VANGL1: variants seen among roughly 807,000 people sequenced by gnomAD.
The protein encoded by VANGL1 is VANGL planar cell polarity protein 1.
In VANGL1, 18 loss-of-function variants were observed where a neutral mutation model predicts 48.4. The observed-to-expected ratio is 0.37, with a 90% CI of 0.26 to 0.55. The LOEUF is 0.55. Ranked by LOEUF, VANGL1 falls within the 20% of genes least tolerant of loss-of-function variation. The pLI, the probability that VANGL1 is intolerant of heterozygous loss-of-function variation, is 0.81. For synonymous variants in VANGL1, 257 were observed against 261.8 expected, an observed-to-expected ratio of 0.98 and a Z score of 0.18; for missense variants, 667 against 675.8, an observed-to-expected ratio of 0.99 and a Z score of 0.14.
chr1:115,662,890 G>A (rs58912555), intron 3 of VANGL1, among the ~76,000 whole-genome samples: 3,057 of 151,770 alleles, frequency 0.02, 115 homozygotes, highest in African/African-American at 0.069. Flanking sequence ...GGGTTCAAGC[G>A]ATTCTCCTGC....
rs1203530733 is a variant in VANGL1, at chr1:115,684,127, A to ATTTT, written c.1079+52_1079+55dup. 12 of 1,396,638 alleles carry ATTTT rather than the reference A, an allele frequency of 8.6e-6. No homozygotes were observed. The East Asian group carries it at 2.3e-4, about 27-fold the overall frequency. 86.5% of individuals were successfully genotyped at this position (1,396,638 alleles called of 1,614,324 possible). A position where few individuals can be genotyped will look rare whatever the true frequency, so the allele number is the denominator to read the frequency against. ...CCCTCTTACAGACTTTTAAATTTTTATTTTATTTATTTATTTATTTATTTA... is the reference window on the plus strand; with the variant it reads ...CCCTCTTACAGACTTTTAAATTTTTATTTTTTTTATTTATTTATTTATTTATTTA... On this transcript the variant is annotated intron_variant, in intron 6 of 7. Coordinates refer to ENST00000355485, the MANE Select transcript of VANGL1 (RefSeq NM_138959.3).
At chr1:115,659,323 G>A (rs1377783055) in intron 2 of VANGL1, among the ~76,000 whole-genome samples, 4 of 152,070 alleles carry the variant, frequency 2.6e-5, no homozygotes, top group Non-Finnish European at 5.9e-5. Context: ...TTACAATAAA[G>A]TGTAACTAGC....
intron 1 of VANGL1, among the ~76,000 whole-genome samples, chr1:115,646,984 G>A (rs1651965181): frequency 6.6e-6 from 1 of 152,238 alleles, no homozygotes; most frequent in Admixed American, 6.5e-5. Context: ...AAAGCCCTAA[G>A]ACTCTACCTT....
At chr1:115,669,515 T>C (rs1206549635) in intron 4 of VANGL1, among the ~76,000 whole-genome samples, 1 of 152,188 alleles carries the variant, frequency 6.6e-6, no homozygotes, top group Non-Finnish European at 1.5e-5. Flanking sequence ...TGGGAGTTCA[T>C]TGAATCACGG....
intron 4 of VANGL1, among the ~76,000 whole-genome samples, chr1:115,665,475 A>G (rs1353070881): frequency 6.6e-6 from 1 of 152,206 alleles, no homozygotes; most frequent in African/African-American, 2.4e-5. Context: ...TATCAGAACA[A>G]TCGGCTTTGT....
At chr1:115,690,921 G>A (rs1179818335) in intron 7 of VANGL1, among the ~76,000 whole-genome samples, 198 bp from the exon 8 acceptor site, 3 of 152,232 alleles carry the variant, frequency 2.0e-5, no homozygotes, top group South Asian at 4.1e-4. Context: ...GAGTGAGGAA[G>A]TCCAAGAAGT....
At chr1:115,650,788 C>G (rs56034057) in intron 1 of VANGL1, among the ~76,000 whole-genome samples, 1 of 151,348 alleles carries the variant, frequency 6.6e-6, no homozygotes, top group Non-Finnish European at 1.5e-5. Context: ...GAAATCAGTT[C>G]CCTCAGATAA....
chr1:115,691,554 G>A lies in VANGL1; in HGVS notation c.*175G>A, dbSNP rs1468843976. 1.1e-5 allele frequency: 8 copies of A among 703,534 alleles called. No individual in the cohort carries two copies. Among genetic ancestry groups the A allele is most frequent in the African/African-American group, 7.2e-5 (4 of 55,506 alleles). The allele number at this position is 703,534 out of a possible 1,614,324, so 43.6% of individuals were successfully genotyped here. A position where few individuals can be genotyped will look rare whatever the true frequency, so the allele number is the denominator to read the frequency against. On this transcript the variant is annotated 3_prime_UTR_variant, in exon 8 of 8. Transcript: ENST00000355485. ...CTTTATTTGGAAGGAAGCAGGGGCTGTCCACCCTGAAAAAGAGTGACTGAT... is the reference window on the plus strand; with the variant it reads ...CTTTATTTGGAAGGAAGCAGGGGCTATCCACCCTGAAAAAGAGTGACTGAT...
Position 115,676,284 on chromosome 1 carries a change from A to G in VANGL1, c.813-6080A>G, listed in dbSNP as rs186048819. Among the ~76,000 whole-genome samples, 420 of 152,272 alleles carry G rather than the reference A, an allele frequency of 2.8e-3. 2 individuals carry two copies. The highest frequency in any genetic ancestry group is 4.9e-3 in the Admixed American group (75 of 15,294). On this transcript the variant is annotated intron_variant, in intron 4 of 7. Coordinates refer to ENST00000355485, the MANE Select transcript of VANGL1 (RefSeq NM_138959.3). ...CTCCCTATAGGTAGGTTTGATTTTCAGGAGGCTGAGAGTTGGCAGGAAGTA... is the reference window on the plus strand; with the variant it reads ...CTCCCTATAGGTAGGTTTGATTTTCGGGAGGCTGAGAGTTGGCAGGAAGTA...
At chr1:115,652,823 A>G (rs1652203986) in intron 2 of VANGL1, among the ~76,000 whole-genome samples, 1 of 152,246 alleles carries the variant, frequency 6.6e-6, no homozygotes, top group South Asian at 2.1e-4. Context: ...TGACCTCCCA[A>G]GCTGCCAGGA....
chr1:115,665,746 A>G (rs73007440), intron 4 of VANGL1, among the ~76,000 whole-genome samples: 1 of 152,354 alleles, frequency 6.6e-6, no homozygotes, highest in African/African-American at 2.4e-5. Context: ...CTCTGAAGAC[A>G]AGTAGGTCAC....
intron 4 of VANGL1, 49 bp from the exon 5 acceptor site, chr1:115,682,315 G>A (rs1013134688): frequency 1.2e-6 from 2 of 1,610,274 alleles, no homozygotes; most frequent in African/African-American, 1.3e-5. Context: ...TTTAGGACCT[G>A]CTTCTTCAGT....
At position 115,685,542 on chromosome 1, in the gene VANGL1, G is replaced by T. The variant is rs752111088; in HGVS notation, c.1314+15G>T. 1 of 1,612,816 alleles carries T rather than the reference G, an allele frequency of 6.2e-7. No individual in the cohort carries two copies. Among genetic ancestry groups the T allele is most frequent in the South Asian group, 1.1e-5 (1 of 90,940 alleles). Reference sequence around the variant, plus strand: ...TGACCCCCAAGGTGCGCTGCTCCGGGCGGGCTCTGCCACCGTCATCCTGGC... The same window carrying T: ...TGACCCCCAAGGTGCGCTGCTCCGGTCGGGCTCTGCCACCGTCATCCTGGC... On this transcript the variant is annotated intron_variant, in intron 7 of 7. Coordinates refer to ENST00000355485, the MANE Select transcript of VANGL1 (RefSeq NM_138959.3).
chr1:115,688,737 G>A lies in VANGL1; in HGVS notation c.1315-2382G>A, dbSNP rs1352933924. ...TTGGATGTTATTTTTTAAAATCATT[G>A]CCTATCTAATAGGAGGAAGTTAGTT... On this transcript the variant is annotated intron_variant, in intron 7 of 7. Coordinates refer to ENST00000355485, the MANE Select transcript of VANGL1 (RefSeq NM_138959.3). Among the ~76,000 whole-genome samples the A allele has an allele frequency of 3.2e-4, 44 of 135,476 alleles. 10 individuals carry two copies. Among genetic ancestry groups the A allele is most frequent in the African/African-American group, 1.2e-3 (44 of 36,066 alleles). The allele number at this position is 135,476 out of a possible 152,430, so 88.9% of individuals were successfully genotyped here. A position where few individuals can be genotyped will look rare whatever the true frequency, so the allele number is the denominator to read the frequency against.
intron 1 of VANGL1, among the ~76,000 whole-genome samples, chr1:115,643,468 G>C (rs1310060293): frequency 6.6e-6 from 1 of 152,130 alleles, no homozygotes; most frequent in African/African-American, 2.4e-5. Context: ...TTTGTGGGAG[G>C]AAACTGTTTC....
chr1:115,673,129 C>T (rs1214204167), intron 4 of VANGL1, among the ~76,000 whole-genome samples: 3 of 152,218 alleles, frequency 2.0e-5, no homozygotes, highest in African/African-American at 7.2e-5. Flanking sequence ...AGAGCAGGCA[C>T]ACCTTAAAAA....
chr1:115,683,825 G>C (rs1429797266), intron 5 of VANGL1, 119 bp from the exon 6 acceptor site: 3 of 1,118,684 alleles, frequency 2.7e-6, no homozygotes, highest in Non-Finnish European at 3.9e-6. Context: ...TTTAGGATTT[G>C]TGTGTGTGTG....
At chr1:115,674,588 TAAG>T (rs1185990739) in intron 4 of VANGL1, among the ~76,000 whole-genome samples, 1 of 152,236 alleles carries the variant, frequency 6.6e-6, no homozygotes, top group Non-Finnish European at 1.5e-5. Flanking sequence ...ACCTAGGTAA[TAAG>T]AAGAATGACG....
At chr1:115,652,534 A>C (rs946589212) in intron 2 of VANGL1, among the ~76,000 whole-genome samples, 1 of 152,358 alleles carries the variant, frequency 6.6e-6, no homozygotes, top group African/African-American at 2.4e-5. Context: ...GTAACACAGT[A>C]CAGGCTGGAG....
Sources: allele counts gnomAD v4.1 joint callset (sites outside exome capture counted in the v4.1 genomes callset), GRCh38; gene constraint gnomAD v4.1.1; transcripts MANE v1.5; gene names NCBI Gene and HGNC (gene_info 2026-07-23, HGNC 2026-07-21).